Variants in LHFPL3 observed in about 807,000 individuals in gnomAD.
LHFPL3 encodes LHFPL tetraspan subfamily member 3 protein.
Under a neutral mutation model 19.3 loss-of-function variants are expected in LHFPL3, and 5 were observed. The observed-to-expected ratio is 0.26, with a 90% CI of 0.14 to 0.54. The LOEUF is 0.54. LHFPL3 is among the 20% of genes least tolerant of loss of function. LHFPL3 has a pLI of 0.94. For synonymous variants in LHFPL3, 133 were observed against 126.2 expected (o/e 1.05, Z -0.36); for missense variants, 249 against 307.4 (o/e 0.81, Z 1.42).
chr7:104,627,044 A>G (rs1246611857), intron 1 of LHFPL3, among the ~76,000 whole-genome samples: 1 of 152,174 alleles, frequency 6.6e-6, no homozygotes, highest in Non-Finnish European at 1.5e-5. Context: ...ATTATTAACT[A>G]TAGCCCACAT....
intron 2 of LHFPL3, among the ~76,000 whole-genome samples, chr7:104,774,403 C>T (rs540853387): frequency 6.2e-4 from 95 of 152,300 alleles, no homozygotes; most frequent in African/African-American, 1.6e-3. Flanking sequence ...GAAGAAACTA[C>T]GGCAAGAAAT....
At chr7:104,623,520 C>T (rs1391726468) in intron 1 of LHFPL3, among the ~76,000 whole-genome samples, 2 of 152,164 alleles carry the variant, frequency 1.3e-5, no homozygotes, top group African/African-American at 2.4e-5. Flanking sequence ...GTCCCAGCTA[C>T]TTGGGAGGCT....
Position 104,861,401 on chromosome 7 carries a change from G to A in LHFPL3, c.683-44786G>A, listed in dbSNP as rs138560887. Among the ~76,000 whole-genome samples the A allele has an allele frequency of 6.1e-3, 933 of 152,286 alleles. 6 individuals carry two copies. Among genetic ancestry groups the A allele is most frequent in the Non-Finnish European group, 0.01 (687 of 68,026 alleles). Reference sequence around the variant, plus strand: ...GGGAGTTTTTGTGAGGATTGTGCCTGCATCAGTCAGATACCAGCAGGAGAC... The same window carrying A: ...GGGAGTTTTTGTGAGGATTGTGCCTACATCAGTCAGATACCAGCAGGAGAC... On this transcript the variant is annotated intron_variant, in intron 2 of 2. Coordinates refer to ENST00000424859, the MANE Select transcript of LHFPL3 (RefSeq NM_199000.3).
chr7:104,380,295 A>G (rs1444717651), intron 1 of LHFPL3, among the ~76,000 whole-genome samples: 1 of 152,204 alleles, frequency 6.6e-6, no homozygotes, highest in African/African-American at 2.4e-5. Context: ...ATGTACTTGT[A>G]CAGATATGTA....
chr7:104,770,739 G>A (rs1407199560), intron 2 of LHFPL3, among the ~76,000 whole-genome samples: 3 of 152,110 alleles, frequency 2.0e-5, no homozygotes, highest in African/African-American at 7.2e-5. Context: ...CAGATTCCAG[G>A]CAGCCACTAC....
intron 1 of LHFPL3, among the ~76,000 whole-genome samples, chr7:104,552,201 A>G (rs1794673599): frequency 6.6e-6 from 1 of 152,232 alleles, no homozygotes; most frequent in South Asian, 2.1e-4. Flanking sequence ...CGCACCAGGC[A>G]GCAACCAAGT....
At chr7:104,759,367 ATT>A (rs368619799) in intron 2 of LHFPL3, among the ~76,000 whole-genome samples, 7 of 151,032 alleles carry the variant, frequency 4.6e-5, no homozygotes, top group Non-Finnish European at 7.4e-5. Flanking sequence ...CACAGTTTAA[ATT>A]TTTTTTTAAA....
chr7:104,387,157 G>A (rs1237042798), intron 1 of LHFPL3, among the ~76,000 whole-genome samples: 1 of 152,072 alleles, frequency 6.6e-6, no homozygotes, highest in Non-Finnish European at 1.5e-5. Context: ...AGCAAATAGA[G>A]GACAGCAACA....
At chr7:104,868,762 T>C (rs1303761943) in intron 2 of LHFPL3, among the ~76,000 whole-genome samples, 1 of 152,116 alleles carries the variant, frequency 6.6e-6, no homozygotes, top group African/African-American at 2.4e-5. Flanking sequence ...GAGCCCGCAT[T>C]GCCAAGTCAA....
intron 1 of LHFPL3, among the ~76,000 whole-genome samples, chr7:104,393,355 A>G (rs918324593): frequency 6.6e-5 from 10 of 151,884 alleles, no homozygotes; most frequent in African/African-American, 2.2e-4. Flanking sequence ...ACACAAAAAC[A>G]TATGCATGAA....
At chr7:104,685,901 G>A (rs140572390) in intron 1 of LHFPL3, among the ~76,000 whole-genome samples, 3 of 152,318 alleles carry the variant, frequency 2.0e-5, no homozygotes, top group African/African-American at 7.2e-5. Context: ...GATGGTCAAA[G>A]GCAAGTCCAA....
chr7:104,652,702 A>T (rs1226263080), intron 1 of LHFPL3, among the ~76,000 whole-genome samples: 1 of 152,168 alleles, frequency 6.6e-6, no homozygotes, highest in Non-Finnish European at 1.5e-5. Context: ...GGGCCACTCT[A>T]AGAAGGGAGC....
intron 1 of LHFPL3, among the ~76,000 whole-genome samples, chr7:104,411,660 A>G (rs184011376): frequency 3.3e-5 from 5 of 152,310 alleles, no homozygotes; most frequent in African/African-American, 1.2e-4. Context: ...TAGTGTTTGT[A>G]GGTTTATTCT....
At chr7:104,479,671 C>T (rs55894332) in intron 1 of LHFPL3, among the ~76,000 whole-genome samples, 22,112 of 152,156 alleles carry the variant, frequency 0.15, 1,703 homozygotes, top group South Asian at 0.24. Context: ...GGATTACAGG[C>T]ATGAGCCACT....
chr7:104,751,032 C>A (rs1794159083), intron 2 of LHFPL3, among the ~76,000 whole-genome samples: 1 of 150,200 alleles, frequency 6.7e-6, no homozygotes, highest in East Asian at 2.0e-4. Flanking sequence ...ACCAATTTGA[C>A]CACAATTATA....
At chr7:104,447,514 G>C (rs1473609128) in intron 1 of LHFPL3, among the ~76,000 whole-genome samples, 1 of 152,108 alleles carries the variant, frequency 6.6e-6, no homozygotes, top group African/African-American at 2.4e-5. Flanking sequence ...AAGGCAGTCA[G>C]TTTCTTTAAT....
At chr7:104,608,101 A>T (rs1483784818) in intron 1 of LHFPL3, among the ~76,000 whole-genome samples, 1 of 152,124 alleles carries the variant, frequency 6.6e-6, no homozygotes, top group Non-Finnish European at 1.5e-5. Flanking sequence ...TTCCTCAGGG[A>T]TCTAGAACTA....
chr7:104,605,764 T>C (rs1791084040), intron 1 of LHFPL3, among the ~76,000 whole-genome samples: 1 of 152,076 alleles, frequency 6.6e-6, no homozygotes. Flanking sequence ...TAAAGTAAAG[T>C]TTACCACTGT....
At chr7:104,706,113 T>C (rs1793186472) in intron 1 of LHFPL3, among the ~76,000 whole-genome samples, 1 of 152,084 alleles carries the variant, frequency 6.6e-6, no homozygotes, top group African/African-American at 2.4e-5. Flanking sequence ...CAGGCCTCCA[T>C]CTTCTAATAC....
Sources: gnomAD v4.1 joint callset for allele counts (sites outside exome capture counted in the v4.1 genomes callset) on GRCh38, gnomAD v4.1.1 for gene constraint, MANE v1.5 for transcripts, NCBI Gene and HGNC (gene_info 2026-07-23, HGNC 2026-07-21) for gene names.